PIEZO2: variants seen among roughly 807,000 people sequenced by gnomAD.
PIEZO2 encodes the protein piezo-type mechanosensitive ion channel component 2.
A neutral mutation model predicts 337.3 loss-of-function variants in PIEZO2; 172 were observed. That is an observed-to-expected ratio of 0.51 (90% CI 0.45 to 0.58). PIEZO2 has a LOEUF of 0.58. Among genes scored for constraint, PIEZO2 ranks in the 20% least tolerant of loss-of-function variants. PIEZO2 has a pLI of 0.00. For missense variants in PIEZO2, 3,028 were observed against 3,391.3 expected (o/e 0.89, Z 2.66); for synonymous variants, 1,251 against 1,228.5 (o/e 1.02, Z -0.38).
At chr18:10,740,311 C>T (rs1020789799) in intron 33 of PIEZO2, 4 of 152,336 alleles carry the variant, frequency 2.6e-5, no homozygotes, top group African/African-American at 9.7e-5. Context: ...ATGTGGCTAT[C>T]AGGATCTGCT....
At chr18:10,990,333 G>A (rs2035040207) in intron 2 of PIEZO2, among the ~76,000 whole-genome samples, 1 of 152,010 alleles carries the variant, frequency 6.6e-6, no homozygotes, top group South Asian at 2.1e-4. Flanking sequence ...GTGAGAATTG[G>A]GTGTGAACAA....
At chr18:11,052,100 A>C (rs1049098298) in intron 2 of PIEZO2, among the ~76,000 whole-genome samples, 9 of 152,032 alleles carry the variant, frequency 5.9e-5, no homozygotes, top group Middle Eastern at 3.4e-3. Context: ...TTTTCATTTC[A>C]GAATGGAGGT....
chr18:10,901,915 CAA>C (rs1031085814), intron 4 of PIEZO2, among the ~76,000 whole-genome samples: 25 of 128,506 alleles, frequency 1.9e-4, no homozygotes, highest in Non-Finnish European at 1.7e-4. Context: ...ATATGCAAAA[CAA>C]AAAAAAAAAA....
chr18:10,739,877 C>T (rs557596650), intron 33 of PIEZO2: 7 of 152,174 alleles, frequency 4.6e-5, no homozygotes, highest in East Asian at 1.9e-4. Flanking sequence ...ACTAGCTTGC[C>T]GATTTAGAAA....
rs964874305 is a variant in PIEZO2, at chr18:10,713,083, T to G, written c.5423+1681A>C. 6.6e-6 allele frequency among the ~76,000 whole-genome samples: 1 copy of G among 152,226 alleles called. No homozygotes were observed. Among genetic ancestry groups the G allele is most frequent in the Non-Finnish European group, 1.5e-5 (1 of 68,042 alleles). On this transcript the variant is annotated intron_variant, in intron 39 of 55. Coordinates refer to ENST00000674853, the MANE Select transcript of PIEZO2 (RefSeq NM_001378183.1). This position sits in a 1 kb window ranked among gnomAD's most constrained non-coding sequence, Gnocchi z 4.5. ...AGGGATACACCCATGCACAGTGTTATCTGCACGAATATTACTTCTAAATCA... is the reference window on the plus strand; with the variant it reads ...AGGGATACACCCATGCACAGTGTTAGCTGCACGAATATTACTTCTAAATCA...
chr18:10,699,517 T>A lies in PIEZO2; in HGVS notation c.6442-340A>T, dbSNP rs1190255863. On this transcript the variant is annotated intron_variant, in intron 43 of 55. Coordinates refer to ENST00000674853, the MANE Select transcript of PIEZO2 (RefSeq NM_001378183.1). ...CAAGTAAGATGTGACTTGCTCCTGC[T>A]CCCCTTCTGCCATGATTGTGAGGCC... Among the ~76,000 whole-genome samples the A allele has an allele frequency of 2.0e-5, 3 of 152,090 alleles. No homozygotes were observed. In the East Asian group the frequency reaches 5.8e-4, roughly 29 times the overall value.
chr18:11,087,421 C>A (rs1256464078), intron 1 of PIEZO2, among the ~76,000 whole-genome samples: 2 of 152,152 alleles, frequency 1.3e-5, no homozygotes, highest in African/African-American at 2.4e-5. Context: ...CTCTCCCAAG[C>A]AATGCACTTG....
At chr18:11,041,115 C>T (rs557665085) in intron 2 of PIEZO2, among the ~76,000 whole-genome samples, 2 of 152,270 alleles carry the variant, frequency 1.3e-5, no homozygotes, top group East Asian at 1.9e-4. Context: ...GGAGAAAAGA[C>T]GAATTCTAAA....
chr18:10,885,739 C>T lies in PIEZO2; in HGVS notation c.330-14324G>A, dbSNP rs11872123. 4.7e-3 allele frequency among the ~76,000 whole-genome samples: 722 copies of T among 152,252 alleles called. 5 individuals carry two copies. The highest frequency in any genetic ancestry group is 8.4e-3 in the Non-Finnish European group (568 of 68,018). On this transcript the variant is annotated intron_variant, in intron 4 of 55. Transcript: ENST00000674853. The stretch of plus-strand genomic sequence containing the variant: ...TGTGAACATAAGGCAAGTTATTTCG[C>T]TTCTCGCTTTCCTGAATTACAAAGT...
chr18:10,900,005 T>G (rs2043003170), intron 4 of PIEZO2, among the ~76,000 whole-genome samples: 1 of 152,184 alleles, frequency 6.6e-6, no homozygotes, highest in Admixed American at 6.5e-5. Flanking sequence ...AAGAAAGAAG[T>G]TTTCGTGAAG....
Position 10,789,342 on chromosome 18 carries a change from C to T in PIEZO2, c.1906G>A (p.Val636Met). ...TCCTCCTCTTTGGGCTCTCCTTCCA[C>T]TTGTATATCTTGAAGTTCCTCATCT... ...EKDEELQDIQ[V>M]EGEPKEEEEE... The change falls in exon 15 of 56, where the codon GTG (valine) becomes ATG (methionine). Residue 636 changes from valine (V) to methionine (M), a missense_variant. This residue lies in a region of PIEZO2 where 1,925 missense variants were observed against 2,051.9 expected (regional missense o/e 0.94). Coordinates refer to ENST00000674853, the MANE Select transcript of PIEZO2 (RefSeq NM_001378183.1). The T allele has an allele frequency of 6.5e-7, 1 of 1,536,494 alleles. No homozygotes were observed. The highest frequency in any genetic ancestry group is 8.7e-7 in the Non-Finnish European group (1 of 1,146,614).
At chr18:10,718,625 C>T (rs560911677) in intron 36 of PIEZO2, among the ~76,000 whole-genome samples, 3 of 152,168 alleles carry the variant, frequency 2.0e-5, no homozygotes, top group Non-Finnish European at 4.4e-5. Flanking sequence ...AACAGTCATG[C>T]CCATTTGTCT....
At chr18:10,753,466 G>A (rs2037722794) in intron 27 of PIEZO2, among the ~76,000 whole-genome samples, 1 of 152,172 alleles carries the variant, frequency 6.6e-6, no homozygotes, top group Admixed American at 6.5e-5. Context: ...TTTCCTCATG[G>A]AAGGTGAGGC....
At chr18:10,714,162 G>A (rs2035923499) in intron 39 of PIEZO2, among the ~76,000 whole-genome samples, 1 of 152,170 alleles carries the variant, frequency 6.6e-6, no homozygotes, top group Non-Finnish European at 1.5e-5. Context: ...ATAATAGCAT[G>A]CATCTCGTAG....
At chr18:10,880,846 CATATATATATAT>C (rs56271617) in intron 4 of PIEZO2, among the ~76,000 whole-genome samples, 1,597 of 67,822 alleles carry the variant, frequency 0.024, 25 homozygotes, top group Non-Finnish European at 0.034. Context: ...TCCCACATAT[CATATATATATAT>C]ATATATATAT....
intron 7 of PIEZO2, among the ~76,000 whole-genome samples, chr18:10,835,580 G>C (rs966313482): frequency 2.0e-5 from 3 of 146,592 alleles, no homozygotes; most frequent in Non-Finnish European, 4.4e-5. Context: ...GTCTCGCTCT[G>C]TCACCCAGGC....
rs537803594 is a variant in PIEZO2, at chr18:10,707,600, T to A, written c.5588+675A>T. Among the ~76,000 whole-genome samples the A allele has an allele frequency of 6.6e-6, 1 of 152,094 alleles. No homozygotes were observed. The highest frequency in any genetic ancestry group is 6.5e-5 in the Admixed American group (1 of 15,276). On this transcript the variant is annotated intron_variant, in intron 40 of 55. Coordinates refer to ENST00000674853, the MANE Select transcript of PIEZO2 (RefSeq NM_001378183.1). This position sits in a 1 kb window ranked among gnomAD's most constrained non-coding sequence, Gnocchi z 4.2. Reference sequence around the variant, plus strand: ...CCATCCTAAGGCAATTCAAAAAGAGTTTTCGGGTTGTATGCAAATAATTTT... The same window carrying A: ...CCATCCTAAGGCAATTCAAAAAGAGATTTCGGGTTGTATGCAAATAATTTT...
chr18:10,788,132 T>C (rs934387939), intron 15 of PIEZO2, among the ~76,000 whole-genome samples: 4 of 152,122 alleles, frequency 2.6e-5, no homozygotes, highest in Non-Finnish European at 5.9e-5. Context: ...CCAGGTGCGG[T>C]GGCTCATGCC....
intron 4 of PIEZO2, among the ~76,000 whole-genome samples, chr18:10,881,814 T>C (rs1390732541): frequency 6.6e-6 from 1 of 152,150 alleles, no homozygotes; most frequent in Non-Finnish European, 1.5e-5. Context: ...TCATTAAAAA[T>C]ACCCCAAAAC....
Sources: allele counts gnomAD v4.1 joint callset (sites outside exome capture counted in the v4.1 genomes callset), GRCh38; gene constraint gnomAD v4.1.1; regional missense constraint gnomAD v4.1.1; non-coding constraint Gnocchi (gnomAD v3.1); transcripts MANE v1.5; gene names NCBI Gene and HGNC (gene_info 2026-07-23, HGNC 2026-07-21).